The following MYO3B variants were observed in gnomAD, a reference collection of about 807,000 sequenced individuals.
MYO3B encodes myosin IIIB.
MYO3B carries 156 observed loss-of-function variants against 174.6 expected under a neutral mutation model. That is an observed-to-expected ratio of 0.89 (90% CI 0.78 to 1.02). The LOEUF is 1.02. Ranked by LOEUF, MYO3B falls within the 50% of genes least tolerant of loss-of-function variation. MYO3B has a pLI of 0.00. For synonymous variants in MYO3B, 563 were observed against 569.1 expected (o/e 0.99, Z 0.15); for missense variants, 1,632 against 1,639.4 (o/e 1.00, Z 0.08).
At chr2:170,474,680 T>C (rs952906996) in intron 25 of MYO3B, among the ~76,000 whole-genome samples, 6 of 134,826 alleles carry the variant, frequency 4.5e-5, no homozygotes, top group Non-Finnish European at 7.6e-5. Flanking sequence ...GAGGTGGAGA[T>C]TGCGGTGAGC....
intron 32 of MYO3B, among the ~76,000 whole-genome samples, chr2:170,576,811 G>T (rs572011196): frequency 4.3e-4 from 66 of 152,170 alleles, no homozygotes; most frequent in Non-Finnish European, 4.3e-4. Context: ...GAGATTCTTT[G>T]CCTGGCAAGG....
At chr2:170,301,366 A>G (rs1479364818) in intron 7 of MYO3B, among the ~76,000 whole-genome samples, 4 of 152,256 alleles carry the variant, frequency 2.6e-5, no homozygotes, top group African/African-American at 9.6e-5. Flanking sequence ...TACTTTATAC[A>G]TCAAATGATT....
chr2:170,565,290 G>A (rs1392809703), intron 32 of MYO3B, among the ~76,000 whole-genome samples: 1 of 152,164 alleles, frequency 6.6e-6, no homozygotes, highest in African/African-American at 2.4e-5. Context: ...AGCAATACCT[G>A]TTTTATAAAC....
intron 6 of MYO3B, among the ~76,000 whole-genome samples, chr2:170,233,620 A>G (rs922879713): frequency 6.6e-6 from 1 of 152,226 alleles, no homozygotes; most frequent in African/African-American, 2.4e-5. Flanking sequence ...TAACGTGTTA[A>G]AAGTATGACA....
intron 9 of MYO3B, among the ~76,000 whole-genome samples, chr2:170,377,940 T>G (rs1285478855): frequency 6.6e-6 from 1 of 152,134 alleles, no homozygotes; most frequent in Non-Finnish European, 1.5e-5. Context: ...TCTGTAATTT[T>G]CACATTAAAC....
intron 22 of MYO3B, among the ~76,000 whole-genome samples, chr2:170,414,888 A>T (rs2094568627): frequency 6.6e-6 from 1 of 152,212 alleles, no homozygotes; most frequent in African/African-American, 2.4e-5. Flanking sequence ...TAATATGTAG[A>T]AATACAGATG....
intron 7 of MYO3B, among the ~76,000 whole-genome samples, chr2:170,304,326 A>T (rs747796602): frequency 5.3e-5 from 8 of 152,102 alleles, no homozygotes; most frequent in Non-Finnish European, 7.4e-5. Context: ...TTCCAATATG[A>T]TGGATAAAAT....
intron 32 of MYO3B, among the ~76,000 whole-genome samples, chr2:170,636,339 C>A (rs760411007): frequency 6.6e-6 from 1 of 150,948 alleles, no homozygotes; most frequent in Non-Finnish European, 1.5e-5. Context: ...GAAGGAGCCA[C>A]GCTGGAAATA....
intron 7 of MYO3B, among the ~76,000 whole-genome samples, chr2:170,254,544 C>T (rs935122477): frequency 2.6e-5 from 4 of 152,210 alleles, no homozygotes; most frequent in African/African-American, 9.6e-5. Context: ...ACTGTCCTAC[C>T]TGCGTGTTTT....
At chr2:170,473,139 C>CTTTTTTTTTTTTTTTTTTTTTT (rs66837903) in intron 25 of MYO3B, among the ~76,000 whole-genome samples, 13 of 96,440 alleles carry the variant, frequency 1.3e-4, no homozygotes, top group East Asian at 3.0e-4. Context: ...TTTTTCTTTT[C>CTTTTTTTTTTTTTTTTTTTTTT]TTTTTTTTTT....
At chr2:170,619,144 T>C (rs573825151) in intron 32 of MYO3B, among the ~76,000 whole-genome samples, 1 of 152,288 alleles carries the variant, frequency 6.6e-6, no homozygotes, top group East Asian at 1.9e-4. Flanking sequence ...CCCTATCTTA[T>C]CCATATGGAC....
intron 30 of MYO3B, among the ~76,000 whole-genome samples, chr2:170,532,539 G>T (rs187850347): frequency 6.6e-6 from 1 of 152,092 alleles, no homozygotes; most frequent in East Asian, 1.9e-4. Context: ...TAGGCTGGGC[G>T]CAGTGGCTCA....
intron 1 of MYO3B, among the ~76,000 whole-genome samples, chr2:170,197,443 G>C (rs1255176675): frequency 6.6e-6 from 1 of 152,214 alleles, no homozygotes; most frequent in East Asian, 1.9e-4. Context: ...TGGGAGAAGA[G>C]AGTGAACTGC....
At chr2:170,532,587 C>T (rs1390796979) in intron 30 of MYO3B, among the ~76,000 whole-genome samples, 2 of 151,998 alleles carry the variant, frequency 1.3e-5, no homozygotes, top group East Asian at 1.9e-4. Flanking sequence ...CCAAGGTGGG[C>T]GGATCACCTG....
At chr2:170,597,496 C>G (rs912820052) in intron 32 of MYO3B, among the ~76,000 whole-genome samples, 1 of 152,112 alleles carries the variant, frequency 6.6e-6, no homozygotes, top group African/African-American at 2.4e-5. Context: ...TATTGCCTGG[C>G]CCTCCAGAGT....
intron 32 of MYO3B, among the ~76,000 whole-genome samples, chr2:170,602,719 G>A (rs987206343): frequency 1.3e-5 from 2 of 152,034 alleles, no homozygotes; most frequent in African/African-American, 4.8e-5. Flanking sequence ...TCATCCTCCT[G>A]ATCAGAAGCT....
chr2:170,270,819 G>T (rs2093420240), intron 7 of MYO3B, among the ~76,000 whole-genome samples: 1 of 152,172 alleles, frequency 6.6e-6, no homozygotes, highest in South Asian at 2.1e-4. Flanking sequence ...GCTAGCCATT[G>T]CATGAACTTA....
At position 170,407,899 on chromosome 2, in the gene MYO3B, A is replaced by C. The variant is rs1574932522; in HGVS notation, c.2650+55A>C. The C allele has an allele frequency of 3.7e-6, 6 of 1,606,900 alleles. No homozygotes were observed. In the East Asian group the frequency reaches 1.3e-4, roughly 36 times the overall value. On this transcript the variant is annotated intron_variant, in intron 22 of 34. Coordinates refer to ENST00000408978, the MANE Select transcript of MYO3B (RefSeq NM_138995.5). ...CTTAAAGCTTTTGCAAGACCAGGTG[A>C]AATTTTCCAGTTAGTGTCTGAATAC...
chr2:170,288,994 G>A (rs1270227540), intron 7 of MYO3B, among the ~76,000 whole-genome samples: 1 of 151,862 alleles, frequency 6.6e-6, no homozygotes, highest in Admixed American at 6.6e-5. Context: ...AATTCTGTTC[G>A]TGTGTTGTAT....
Sources: gnomAD v4.1 joint callset for allele counts (sites outside exome capture counted in the v4.1 genomes callset) on GRCh38, gnomAD v4.1.1 for gene constraint, MANE v1.5 for transcripts, NCBI Gene and HGNC (gene_info 2026-07-23, HGNC 2026-07-21) for gene names.